Variants in SPIDR observed in about 807,000 individuals in gnomAD.
The protein encoded by SPIDR is DNA repair-scaffolding protein.
Under a neutral mutation model 104.6 loss-of-function variants are expected in SPIDR, and 93 were observed. The ratio of observed to expected loss-of-function variants is 0.89; its 90% CI spans 0.75 to 1.06. The LOEUF is 1.06. Ranked by LOEUF, SPIDR falls within the 50% of genes least tolerant of loss-of-function variation. The pLI, the probability that SPIDR is intolerant of heterozygous loss-of-function variation, is 0.00. For synonymous variants in SPIDR, 431 were observed against 416.9 expected (o/e 1.03, Z -0.41); for missense variants, 1,154 against 1,111.2 (o/e 1.04, Z -0.55).
At chr8:47,701,275 A>G (rs1589321005) in intron 12 of SPIDR, among the ~76,000 whole-genome samples, 1 of 152,308 alleles carries the variant, frequency 6.6e-6, no homozygotes, top group East Asian at 1.9e-4. Context: ...TCTACTAAAA[A>G]TACAAAGTTA....
chr8:47,475,474 C>T (rs995159044), intron 8 of SPIDR, among the ~76,000 whole-genome samples: 3 of 152,038 alleles, frequency 2.0e-5, no homozygotes, highest in Admixed American at 2.0e-4. Context: ...TAAAATAATC[C>T]GAAGATCATG....
chr8:47,706,036 C>T (rs953831158), intron 14 of SPIDR, among the ~76,000 whole-genome samples: 1 of 152,116 alleles, frequency 6.6e-6, no homozygotes, highest in Non-Finnish European at 1.5e-5. Flanking sequence ...AAGAAATACA[C>T]GGGGGGTCTG....
intron 8 of SPIDR, among the ~76,000 whole-genome samples, chr8:47,443,367 C>A (rs530841583): frequency 6.6e-5 from 10 of 152,058 alleles, no homozygotes; most frequent in African/African-American, 2.4e-4. Flanking sequence ...GTCAGGAGTT[C>A]GAGACCAGCC....
intron 10 of SPIDR, chr8:47,660,866 C>G: frequency 1.3e-6 from 1 of 778,814 alleles, no homozygotes; most frequent in Non-Finnish European, 1.6e-6. Context: ...AGAGGGAACC[C>G]TATTTTCTTG....
chr8:47,688,944 G>A (rs181073914), intron 11 of SPIDR, among the ~76,000 whole-genome samples: 263 of 152,220 alleles, frequency 1.7e-3, no homozygotes, highest in Middle Eastern at 0.01. Context: ...CCTGATTACC[G>A]CTGAGGCTGA....
At chr8:47,657,728 T>C (rs1229402957) in intron 10 of SPIDR, among the ~76,000 whole-genome samples, 1 of 151,920 alleles carries the variant, frequency 6.6e-6, no homozygotes, top group East Asian at 1.9e-4. Flanking sequence ...TCAATAAAAA[T>C]TTCAATTAAT....
intron 19 of SPIDR, among the ~76,000 whole-genome samples, chr8:47,731,073 C>T (rs2085134560): frequency 6.6e-6 from 1 of 152,042 alleles, no homozygotes; most frequent in African/African-American, 2.4e-5. Context: ...GCCTGGCCAA[C>T]ATGGTGACAC....
At chr8:47,548,584 G>A (rs747267662) in intron 8 of SPIDR, among the ~76,000 whole-genome samples, 8 of 152,234 alleles carry the variant, frequency 5.3e-5, no homozygotes, top group Non-Finnish European at 1.0e-4. Context: ...GGAGGCTGAA[G>A]TTGCAGTCAG....
chr8:47,367,070 A>G (rs974261234), intron 5 of SPIDR, among the ~76,000 whole-genome samples: 26 of 152,110 alleles, frequency 1.7e-4, no homozygotes, highest in Admixed American at 1.4e-3. Flanking sequence ...TCGAGAAGGG[A>G]ATTTATTGTC....
chr8:47,351,191 TA>T (rs1335391108), intron 5 of SPIDR, among the ~76,000 whole-genome samples: 4 of 152,234 alleles, frequency 2.6e-5, no homozygotes, highest in Non-Finnish European at 1.5e-5. Flanking sequence ...TTAATCTCTT[TA>T]CTGTGTCTGA....
chr8:47,499,966 A>G (rs557717496), intron 8 of SPIDR, among the ~76,000 whole-genome samples: 51 of 152,334 alleles, frequency 3.3e-4, no homozygotes, highest in African/African-American at 1.1e-3. Flanking sequence ...TACAAAGGAC[A>G]TGAACTCATC....
intron 1 of SPIDR, among the ~76,000 whole-genome samples, chr8:47,275,761 A>G (rs1656543635): frequency 6.6e-6 from 1 of 152,220 alleles, no homozygotes; most frequent in Non-Finnish European, 1.5e-5. Context: ...TGTATTTAGT[A>G]AATATTTTTG....
At chr8:47,645,559 T>C (rs2070184181) in intron 10 of SPIDR, among the ~76,000 whole-genome samples, 1 of 152,210 alleles carries the variant, frequency 6.6e-6, no homozygotes, top group African/African-American at 2.4e-5. Flanking sequence ...TTATCTTCTC[T>C]AGTCTTTATA....
At chr8:47,472,751 G>A (rs144352436) in intron 8 of SPIDR, among the ~76,000 whole-genome samples, 7 of 152,276 alleles carry the variant, frequency 4.6e-5, no homozygotes, top group African/African-American at 1.7e-4. Context: ...ATATAAGATA[G>A]TTTTGATCTA....
At chr8:47,642,479 C>A (rs1424123470) in intron 10 of SPIDR, among the ~76,000 whole-genome samples, 4 of 151,506 alleles carry the variant, frequency 2.6e-5, no homozygotes, top group Non-Finnish European at 4.4e-5. Context: ...AGTGAGTGAA[C>A]CCGCACTCTG....
chr8:47,404,645 A>G (rs1242086431), intron 6 of SPIDR, among the ~76,000 whole-genome samples: 3 of 152,226 alleles, frequency 2.0e-5, no homozygotes, highest in Non-Finnish European at 4.4e-5. Context: ...TCAAAACCAC[A>G]ATGAGATACC....
At chr8:47,721,852 G>C (rs1589526524) in intron 16 of SPIDR, among the ~76,000 whole-genome samples, 1 of 152,030 alleles carries the variant, frequency 6.6e-6, no homozygotes, top group Admixed American at 6.6e-5. Flanking sequence ...ATATTGTCTT[G>C]GCTATTCTAG....
chr8:47,289,970 C>T (rs2039598645), intron 3 of SPIDR, among the ~76,000 whole-genome samples: 2 of 152,166 alleles, frequency 1.3e-5, no homozygotes, highest in African/African-American at 4.8e-5. Context: ...AGATGAATAT[C>T]TAGGAAATTA....
At chr8:47,571,978 C>T (rs751359919) in intron 8 of SPIDR, among the ~76,000 whole-genome samples, 1 of 152,130 alleles carries the variant, frequency 6.6e-6, no homozygotes, top group Non-Finnish European at 1.5e-5. Context: ...TATGCTTTCC[C>T]TCTTCTAATA....
Sources: allele counts gnomAD v4.1 joint callset (sites outside exome capture counted in the v4.1 genomes callset), GRCh38; gene constraint gnomAD v4.1.1; transcripts MANE v1.5; gene names NCBI Gene and HGNC (gene_info 2026-07-23, HGNC 2026-07-21).